KCNIP1: variants seen among roughly 807,000 people sequenced by gnomAD.
KCNIP1 encodes A-type potassium channel modulatory protein KCNIP1.
In KCNIP1, 18 loss-of-function variants were observed where a neutral mutation model predicts 33.0. The ratio of observed to expected loss-of-function variants is 0.55; its 90% CI spans 0.38 to 0.81. The LOEUF is 0.81. KCNIP1 is among the 30% of genes least tolerant of loss of function. The probability of loss-of-function intolerance (pLI) is 0.00; values close to 1 mark genes in which losing one functional copy is unlikely to be tolerated. For missense variants in KCNIP1, 238 were observed against 271.6 expected (o/e 0.88, Z 0.87); for synonymous variants, 93 against 98.3 (o/e 0.95, Z 0.32).
intron 1 of KCNIP1, among the ~76,000 whole-genome samples, chr5:170,487,995 C>A (rs918303681): frequency 3.9e-5 from 6 of 152,184 alleles, no homozygotes; most frequent in Admixed American, 2.6e-4. Flanking sequence ...TCTGAAATAT[C>A]TTCCTTGATC....
At chr5:170,355,049 A>G (rs59782271) in intron 1 of KCNIP1, among the ~76,000 whole-genome samples, 32,632 of 152,156 alleles carry the variant, frequency 0.21, 4,298 homozygotes, top group African/African-American at 0.37. Context: ...GGTGCCCGCC[A>G]CCCAGCGGGT....
At chr5:170,535,045 G>A (rs546672185) in intron 1 of KCNIP1, among the ~76,000 whole-genome samples, 1 of 152,254 alleles carries the variant, frequency 6.6e-6, no homozygotes, top group Admixed American at 6.5e-5. Flanking sequence ...CCCCATGGCT[G>A]CAGACCCTAT....
At chr5:170,407,175 A>G (rs1755057998) in intron 1 of KCNIP1, among the ~76,000 whole-genome samples, 2 of 152,200 alleles carry the variant, frequency 1.3e-5, no homozygotes. Flanking sequence ...CTAACCATAG[A>G]CGAGTTAAGA....
chr5:170,663,525 TAGA>T (rs1761579673), intron 1 of KCNIP1, among the ~76,000 whole-genome samples: 1 of 152,088 alleles, frequency 6.6e-6, no homozygotes, highest in African/African-American at 2.4e-5. Flanking sequence ...CTGCCAGAAT[TAGA>T]AGAACAGAAA....
Position 170,673,610 on chromosome 5 carries a change from G to A in KCNIP1, c.62-45148G>A, listed in dbSNP as rs183412662. On this transcript the variant is annotated intron_variant, in intron 1 of 7. Transcript: ENST00000328939. ...GTTAAGTGGGCTCTGATACTATCTTGTACAGTTGGGGGAAGATTTGAGAAG... is the reference window on the plus strand; with the variant it reads ...GTTAAGTGGGCTCTGATACTATCTTATACAGTTGGGGGAAGATTTGAGAAG... Among the ~76,000 whole-genome samples the A allele has an allele frequency of 2.2e-3, 333 of 152,270 alleles. 1 individual carries two copies. Among genetic ancestry groups the A allele is most frequent in the African/African-American group, 7.8e-3 (326 of 41,556 alleles).
At chr5:170,479,381 T>G (rs760864812) in intron 1 of KCNIP1, among the ~76,000 whole-genome samples, 5 of 152,176 alleles carry the variant, frequency 3.3e-5, no homozygotes, top group Non-Finnish European at 5.9e-5. Context: ...ACATGACTAC[T>G]AATTTCTATT....
At chr5:170,471,884 C>T (rs1756736947) in intron 1 of KCNIP1, among the ~76,000 whole-genome samples, 1 of 152,204 alleles carries the variant, frequency 6.6e-6, no homozygotes. Context: ...TTAAGACAGC[C>T]TCACAAGTCA....
intron 1 of KCNIP1, among the ~76,000 whole-genome samples, chr5:170,471,226 G>A (rs1286407306): frequency 6.6e-6 from 1 of 152,156 alleles, no homozygotes; most frequent in Non-Finnish European, 1.5e-5. Flanking sequence ...TGAACTATCG[G>A]TTGGGTGCTC....
At chr5:170,430,442 G>T (rs948171967) in intron 1 of KCNIP1, among the ~76,000 whole-genome samples, 4 of 152,108 alleles carry the variant, frequency 2.6e-5, no homozygotes, top group African/African-American at 9.7e-5. Flanking sequence ...ACCTTCTCCA[G>T]CTGTCAAACT....
chr5:170,712,797 G>A (rs1763498673), intron 1 of KCNIP1: 1 of 1,557,774 alleles, frequency 6.4e-7, no homozygotes, highest in African/African-American at 1.4e-5. Flanking sequence ...GACAATAAAA[G>A]TGTGTTTTGC....
At chr5:170,566,395 C>T (rs976370929) in intron 1 of KCNIP1, among the ~76,000 whole-genome samples, 2 of 152,146 alleles carry the variant, frequency 1.3e-5, no homozygotes, top group African/African-American at 4.8e-5. Flanking sequence ...GCCCGGCCAA[C>T]TATCCGTATT....
At chr5:170,401,918 C>T (rs1411717663) in intron 1 of KCNIP1, among the ~76,000 whole-genome samples, 2 of 152,144 alleles carry the variant, frequency 1.3e-5, no homozygotes, top group Non-Finnish European at 2.9e-5. Flanking sequence ...AAATGTATTT[C>T]CTCACAGCTC....
Position 170,504,044 on chromosome 5 carries a change from C to T in KCNIP1, c.-529C>T. On this transcript the variant is annotated 5_prime_UTR_variant, in exon 1 of 8. Coordinates refer to ENST00000328939, the MANE Select transcript of KCNIP1 (RefSeq NM_014592.4). This position sits in a 1 kb window ranked among gnomAD's most constrained non-coding sequence, Gnocchi z 6.0. ...CGACTCTCGCCCCGAGCGCTGGCAGCAGGCAGCAGGCAGCAGGCGGGCGCG... is the reference window on the plus strand; with the variant it reads ...CGACTCTCGCCCCGAGCGCTGGCAGTAGGCAGCAGGCAGCAGGCGGGCGCG... The T allele has an allele frequency of 1.0e-6, 1 of 981,510 alleles. No homozygotes were observed. The highest frequency in any genetic ancestry group is 5.0e-5 in the South Asian group (1 of 19,948). The allele number at this position is 981,510 out of a possible 1,614,324, so 60.8% of individuals were successfully genotyped here. A position where few individuals can be genotyped will look rare whatever the true frequency, so the allele number is the denominator to read the frequency against.
At chr5:170,642,360 CTG>C (rs1348054238) in intron 1 of KCNIP1, among the ~76,000 whole-genome samples, 4 of 152,310 alleles carry the variant, frequency 2.6e-5, no homozygotes, top group Admixed American at 2.0e-4. Flanking sequence ...TGAGCACCGA[CTG>C]TGCACACAGT....
At chr5:170,397,535 G>A (rs1008175912) in intron 1 of KCNIP1, among the ~76,000 whole-genome samples, 1 of 152,146 alleles carries the variant, frequency 6.6e-6, no homozygotes, top group Non-Finnish European at 1.5e-5. Context: ...GGGTCTGAAA[G>A]GTATGTAGGT....
intron 1 of KCNIP1, among the ~76,000 whole-genome samples, chr5:170,685,535 C>A (rs1348459944): frequency 6.6e-6 from 1 of 151,844 alleles, no homozygotes; most frequent in Non-Finnish European, 1.5e-5. Flanking sequence ...GTCGCCCAGG[C>A]TGAAGTACAG....
At chr5:170,715,045 T>A (rs945654744) in intron 1 of KCNIP1, among the ~76,000 whole-genome samples, 3 of 152,232 alleles carry the variant, frequency 2.0e-5, no homozygotes, top group African/African-American at 7.2e-5. Flanking sequence ...TCATGGTAAG[T>A]GCCCTAATAG....
upstream of KCNIP1, chr5:170,503,948 A>AGCCCTC (rs1754586817): frequency 9.5e-6 from 3 of 315,680 alleles, no homozygotes; most frequent in Non-Finnish European, 1.4e-5. Context: ...CCCACCGTGC[A>AGCCCTC]GCCCTCGCCC....
rs181527205 is a variant in KCNIP1 at position 170,728,159 on chromosome 5, C to T, written c.436-4641C>T. Among the ~76,000 whole-genome samples the T allele has an allele frequency of 4.5e-4, 69 of 152,296 alleles. No individual in the cohort carries two copies. The East Asian group carries it at 0.012, about 27-fold the overall frequency. ...TCAATTAATTAGGAATAAAATACTT[C>T]TTCAGCATAATAGAAAATACCCCAG... On this transcript the variant is annotated intron_variant, in intron 5 of 7. Transcript: ENST00000328939.
Sources: allele counts gnomAD v4.1 joint callset (sites outside exome capture counted in the v4.1 genomes callset), GRCh38; gene constraint gnomAD v4.1.1; non-coding constraint Gnocchi (gnomAD v3.1); transcripts MANE v1.5; gene names NCBI Gene and HGNC (gene_info 2026-07-23, HGNC 2026-07-21).